SORCS3: variants seen among roughly 807,000 people sequenced by gnomAD.
SORCS3 encodes sortilin related VPS10 domain containing receptor 3.
SORCS3 carries 57 observed loss-of-function variants against 146.3 expected under a neutral mutation model. That is an observed-to-expected ratio of 0.39 (90% CI 0.31 to 0.49). The LOEUF (loss-of-function observed/expected upper bound fraction) is 0.49, where lower values mean the gene tolerates loss of function less well. Among genes scored for constraint, SORCS3 ranks in the 20% least tolerant of loss-of-function variants. SORCS3 has a pLI of 0.92. For missense variants in SORCS3, 1,341 were observed against 1,575.5 expected (o/e 0.85, Z 2.52); for synonymous variants, 653 against 618.5 (o/e 1.06, Z -0.83).
chr10:105,261,294 G>C (rs2056958887), intron 25 of SORCS3, among the ~76,000 whole-genome samples: 1 of 152,216 alleles, frequency 6.6e-6, no homozygotes, highest in Admixed American at 6.5e-5. Context: ...GCCAAGCTCT[G>C]AGAAGAGCAG....
chr10:105,223,087 A>G, intron 19 of SORCS3, 29 bp from the exon 20 acceptor site: 2 of 1,581,512 alleles, frequency 1.3e-6, no homozygotes, highest in Non-Finnish European at 1.7e-6. Flanking sequence ...CAGAATATAA[A>G]CACTGACTTT....
chr10:104,994,703 A>G (rs1426115161), intron 4 of SORCS3, among the ~76,000 whole-genome samples: 1 of 152,182 alleles, frequency 6.6e-6, no homozygotes, highest in Non-Finnish European at 1.5e-5. Context: ...AGGGAATCAT[A>G]AAGTATGAAC....
chr10:104,771,009 T>C (rs1366366208), intron 1 of SORCS3, among the ~76,000 whole-genome samples: 2 of 152,232 alleles, frequency 1.3e-5, no homozygotes, highest in African/African-American at 4.8e-5. Flanking sequence ...AACTGGTGCA[T>C]ATTTTGCACT....
chr10:105,157,851 A>C (rs2056224784), intron 10 of SORCS3, among the ~76,000 whole-genome samples: 1 of 152,194 alleles, frequency 6.6e-6, no homozygotes, highest in Admixed American at 6.5e-5. Flanking sequence ...CTTCATTAAC[A>C]ATAAAATCCA....
chr10:104,913,512 A>T (rs966565914), intron 2 of SORCS3, among the ~76,000 whole-genome samples: 1 of 152,176 alleles, frequency 6.6e-6, no homozygotes, highest in African/African-American at 2.4e-5. Context: ...ACTCATGACC[A>T]TGTGGAGCCA....
chr10:104,714,435 A>G (rs1229484399), intron 1 of SORCS3, among the ~76,000 whole-genome samples: 2 of 152,168 alleles, frequency 1.3e-5, no homozygotes, highest in Non-Finnish European at 2.9e-5. Flanking sequence ...TGCATCTGAC[A>G]TATTTTGATA....
chr10:105,190,214 A>G (rs570245975), intron 14 of SORCS3, among the ~76,000 whole-genome samples: 1 of 152,332 alleles, frequency 6.6e-6, no homozygotes, highest in South Asian at 2.1e-4. Flanking sequence ...TGGTTGCTGC[A>G]AATGCCTAAA....
chr10:105,041,900 G>T (rs780415924), intron 4 of SORCS3, among the ~76,000 whole-genome samples: 2 of 152,134 alleles, frequency 1.3e-5, no homozygotes, highest in African/African-American at 2.4e-5. Context: ...AAAACATAAG[G>T]ATGGTGGAAT....
chr10:104,961,504 C>A (rs947321086), intron 3 of SORCS3, among the ~76,000 whole-genome samples: 2 of 152,140 alleles, frequency 1.3e-5, no homozygotes, highest in African/African-American at 2.4e-5. Flanking sequence ...TATGAAACTT[C>A]TTTATACTTC....
Position 105,264,612 on chromosome 10 carries a change from C to G in SORCS3, c.*1238C>G, listed in dbSNP as rs549462322. 1 of 152,696 alleles carries G rather than the reference C, an allele frequency of 6.5e-6. No homozygotes were observed. The highest frequency in any genetic ancestry group is 1.9e-4 in the East Asian group (1 of 5,170). 9.5% of individuals were successfully genotyped at this position (152,696 alleles called of 1,614,324 possible). ...GGGTCTAGCCTTTAATGATATTAGT[C>G]AAAGGCAATTTTAGCAAAGCTGTGC... On this transcript the variant is annotated 3_prime_UTR_variant, in exon 27 of 27. Transcript: ENST00000369701.
intron 1 of SORCS3, among the ~76,000 whole-genome samples, chr10:104,724,672 T>C (rs2016600185): frequency 6.6e-6 from 1 of 152,218 alleles, no homozygotes; most frequent in South Asian, 2.1e-4. Flanking sequence ...GCTTTGTTCA[T>C]TTCTTTTTAT....
At chr10:105,099,491 A>G (rs972442958) in intron 6 of SORCS3, among the ~76,000 whole-genome samples, 2 of 152,218 alleles carry the variant, frequency 1.3e-5, no homozygotes, top group African/African-American at 4.8e-5. Context: ...GTAATTAAAC[A>G]TAACAAAATG....
At chr10:105,112,997 C>T (rs531003540) in intron 7 of SORCS3, among the ~76,000 whole-genome samples, 2 of 152,210 alleles carry the variant, frequency 1.3e-5, no homozygotes, top group Non-Finnish European at 2.9e-5. Context: ...TTCCCTTCGT[C>T]CTTTCCCACC....
At chr10:105,109,939 A>C (rs1177709915) in intron 7 of SORCS3, among the ~76,000 whole-genome samples, 1 of 150,776 alleles carries the variant, frequency 6.6e-6, no homozygotes, top group Non-Finnish European at 1.5e-5. Context: ...ATTTCTCGGG[A>C]GTTTCTGTGG....
chr10:104,909,997 A>G (rs189468825), intron 2 of SORCS3, among the ~76,000 whole-genome samples: 30 of 152,262 alleles, frequency 2.0e-4, no homozygotes, highest in Non-Finnish European at 3.1e-4. Context: ...TCCTCCCACA[A>G]TGTACCAGTC....
chr10:105,209,076 A>T (rs934219265), intron 16 of SORCS3, among the ~76,000 whole-genome samples: 1 of 152,200 alleles, frequency 6.6e-6, no homozygotes, highest in Non-Finnish European at 1.5e-5. Context: ...ACATTGTAGC[A>T]TCAGTTATGG....
At chr10:104,762,398 G>C (rs1046341293) in intron 1 of SORCS3, among the ~76,000 whole-genome samples, 3 of 152,174 alleles carry the variant, frequency 2.0e-5, no homozygotes, top group Non-Finnish European at 2.9e-5. Context: ...AGCAGGAAAC[G>C]CATTTGCTTT....
At chr10:105,183,800 G>A (rs1031388954) in intron 14 of SORCS3, among the ~76,000 whole-genome samples, 7 of 134,680 alleles carry the variant, frequency 5.2e-5, no homozygotes, top group Middle Eastern at 7.5e-3. Flanking sequence ...TGATGGTAGG[G>A]TATACTGGGG....
intron 19 of SORCS3, among the ~76,000 whole-genome samples, chr10:105,217,347 T>C (rs2056671546): frequency 6.6e-6 from 1 of 152,208 alleles, no homozygotes. Context: ...GGGCCGTCCT[T>C]TTCAGCACCA....
Sources: allele counts gnomAD v4.1 joint callset (sites outside exome capture counted in the v4.1 genomes callset), GRCh38; gene constraint gnomAD v4.1.1; transcripts MANE v1.5; gene names NCBI Gene and HGNC (gene_info 2026-07-23, HGNC 2026-07-21).